ROR1: variants seen among roughly 807,000 people sequenced by gnomAD.
ROR1 encodes the protein ROR family WNT receptor 1.
A neutral mutation model predicts 78.8 loss-of-function variants in ROR1; 19 were observed. That is an observed-to-expected ratio of 0.24 (90% CI 0.17 to 0.35). ROR1 has a LOEUF of 0.35. ROR1 is among the 10% of genes least tolerant of loss of function. The pLI, the probability that ROR1 is intolerant of heterozygous loss-of-function variation, is 1.00. For missense variants in ROR1, 917 were observed against 1,177.8 expected (o/e 0.78, Z 3.24); for synonymous variants, 386 against 433.6 (o/e 0.89, Z 1.36).
intron 4 of ROR1, among the ~76,000 whole-genome samples, chr1:64,127,413 T>TTCTCTGTCTCTCTCTG (rs964455086): frequency 6.6e-6 from 1 of 151,936 alleles, no homozygotes; most frequent in East Asian, 1.9e-4. Context: ...CTCTCTCTCT[T>TTCTCTGTCTCTCTCTG]TCTCTGTCTC....
chr1:63,892,826 A>G (rs1384806930), intron 1 of ROR1, among the ~76,000 whole-genome samples: 2 of 152,138 alleles, frequency 1.3e-5, no homozygotes, highest in Non-Finnish European at 2.9e-5. Flanking sequence ...TGTGATTTCT[A>G]GAGACAGAAC....
chr1:64,137,355 A>T lies in ROR1; in HGVS notation c.483-14A>T, dbSNP rs781123687. On this transcript the variant is annotated splice_polypyrimidine_tract_variant and intron_variant, in intron 4 of 8. Transcript: ENST00000371079. The stretch of plus-strand genomic sequence containing the variant: ...GTGGTGCATCAGCTAATGTCTGTCT[A>T]TGCTTTCTTTCAGAGATGAGTATGA... 15 of 1,613,556 alleles carry T rather than the reference A, an allele frequency of 9.3e-6. No homozygotes were observed. In the Middle Eastern group the frequency reaches 4.9e-4, roughly 53 times the overall value.
intron 1 of ROR1, among the ~76,000 whole-genome samples, chr1:63,950,581 A>G (rs72912837): frequency 0.029 from 4,443 of 152,248 alleles, 229 homozygotes; most frequent in African/African-American, 0.1. Flanking sequence ...CCAACCTCCA[A>G]TGTCATCCTG....
At chr1:63,913,356 A>C (rs1223283448) in intron 1 of ROR1, among the ~76,000 whole-genome samples, 2 of 152,164 alleles carry the variant, frequency 1.3e-5, no homozygotes, top group Non-Finnish European at 2.9e-5. Flanking sequence ...TAAATCTTAA[A>C]TATTTTAAAC....
At chr1:64,033,396 T>C (rs1646676675) in intron 2 of ROR1, among the ~76,000 whole-genome samples, 1 of 152,186 alleles carries the variant, frequency 6.6e-6, no homozygotes, top group Non-Finnish European at 1.5e-5. Context: ...AGAGTTACAC[T>C]GCTGACAAGT....
intron 1 of ROR1, among the ~76,000 whole-genome samples, chr1:63,786,487 T>C (rs748229265): frequency 1.3e-4 from 20 of 151,220 alleles, no homozygotes; most frequent in Non-Finnish European, 1.8e-4. Context: ...TTAGCCAGGA[T>C]GGTCTCGATC....
At chr1:64,038,655 A>T (rs1020741011) in intron 2 of ROR1, among the ~76,000 whole-genome samples, 3 of 152,218 alleles carry the variant, frequency 2.0e-5, no homozygotes, top group African/African-American at 7.2e-5. Context: ...ACATACCCAG[A>T]TCACACTTTA....
At chr1:63,988,344 G>A (rs1449615267) in intron 1 of ROR1, among the ~76,000 whole-genome samples, 1 of 152,168 alleles carries the variant, frequency 6.6e-6, no homozygotes, top group Non-Finnish European at 1.5e-5. Flanking sequence ...AGAGATCTCA[G>A]AATTCATTTA....
intron 6 of ROR1, among the ~76,000 whole-genome samples, chr1:64,141,292 A>G (rs1037688139): frequency 1.3e-5 from 2 of 152,206 alleles, no homozygotes; most frequent in African/African-American, 2.4e-5. Context: ...CAGGCTGTAC[A>G]GGGAGTATAG....
chr1:63,793,837 GT>G (rs373736769), intron 1 of ROR1, among the ~76,000 whole-genome samples: 59 of 152,326 alleles, frequency 3.9e-4, no homozygotes, highest in African/African-American at 1.4e-3. Context: ...TGCAGCAGTG[GT>G]TTCCTGCAGT....
intron 1 of ROR1, among the ~76,000 whole-genome samples, chr1:63,971,877 T>C (rs1434390522): frequency 6.6e-6 from 1 of 152,120 alleles, no homozygotes; most frequent in Admixed American, 6.5e-5. Context: ...ATGCCAGCAG[T>C]TGGAGAGCAG....
At chr1:64,071,464 A>G (rs1234464928) in intron 4 of ROR1, among the ~76,000 whole-genome samples, 4 of 152,156 alleles carry the variant, frequency 2.6e-5, no homozygotes, top group African/African-American at 9.7e-5. Flanking sequence ...GGTTTAAATT[A>G]TATAAATAAA....
rs575517381 is a variant in ROR1, at chr1:63,884,784, G to A, written c.91+110276G>A. Reference sequence around the variant, plus strand: ...CTGGTAAATGGAGGTAAGAATAGAAGGCTATTCTTTCCCTTCTCCGGGAAA... The same window carrying A: ...CTGGTAAATGGAGGTAAGAATAGAAAGCTATTCTTTCCCTTCTCCGGGAAA... On this transcript the variant is annotated intron_variant, in intron 1 of 8. Transcript: ENST00000371079. Among the ~76,000 whole-genome samples the A allele has an allele frequency of 6.6e-5, 10 of 151,968 alleles. 1 individual carries two copies. Among genetic ancestry groups the A allele is most frequent in the Non-Finnish European group, 1.0e-4 (7 of 67,966 alleles).
chr1:63,815,278 G>A (rs537499730), intron 1 of ROR1, among the ~76,000 whole-genome samples: 2 of 152,250 alleles, frequency 1.3e-5, no homozygotes, highest in South Asian at 4.2e-4. Context: ...AGCAGAACCA[G>A]AGGGATACCA....
chr1:64,077,903 T>C (rs1476940703), intron 4 of ROR1, among the ~76,000 whole-genome samples: 2 of 152,230 alleles, frequency 1.3e-5, no homozygotes, highest in East Asian at 3.8e-4. Context: ...CAGCTATTAA[T>C]TGAGTTCCTA....
rs986756579 is a variant in ROR1 at position 64,067,710 on chromosome 1, C to CTTTTTTTTTT, written c.482+17005_482+17014dup. On this transcript the variant is annotated intron_variant, in intron 4 of 8. Coordinates refer to ENST00000371079, the MANE Select transcript of ROR1 (RefSeq NM_005012.4). ...TATTTCTATCCAAGTTAAATAAATT[C>CTTTTTTTTTT]TTTTTTTTTTTTTTTTTTTTGAGAC... Among the ~76,000 whole-genome samples, 95 of 105,646 alleles carry CTTTTTTTTTT rather than the reference C, an allele frequency of 9.0e-4. 4 individuals carry two copies. The highest frequency in any genetic ancestry group is 2.6e-3 in the African/African-American group (62 of 23,500). 69.3% of individuals were successfully genotyped at this position (105,646 alleles called of 152,430 possible).
intron 1 of ROR1, among the ~76,000 whole-genome samples, chr1:63,988,399 A>T (rs1407861236): frequency 6.6e-6 from 1 of 152,198 alleles, no homozygotes; most frequent in Non-Finnish European, 1.5e-5. Context: ...GGTATCTCTG[A>T]CATATGGACA....
chr1:63,888,831 A>G (rs931436388), intron 1 of ROR1, among the ~76,000 whole-genome samples: 2 of 152,176 alleles, frequency 1.3e-5, no homozygotes, highest in African/African-American at 4.8e-5. Context: ...TTTGACATAT[A>G]TTATTTCAAC....
intron 1 of ROR1, among the ~76,000 whole-genome samples, chr1:64,001,029 A>T (rs928528177): frequency 6.6e-6 from 1 of 152,238 alleles, no homozygotes; most frequent in Non-Finnish European, 1.5e-5. Flanking sequence ...AATTTAGCAC[A>T]GAAGTCTATG....
Sources: allele counts gnomAD v4.1 joint callset (sites outside exome capture counted in the v4.1 genomes callset), GRCh38; gene constraint gnomAD v4.1.1; transcripts MANE v1.5; gene names NCBI Gene and HGNC (gene_info 2026-07-23, HGNC 2026-07-21).